The following INTS6 variants were observed in gnomAD, a reference collection of about 807,000 sequenced individuals.
INTS6 encodes the protein integrator complex subunit 6, also known as DEAD box protein.
In INTS6, 16 loss-of-function variants were observed where a neutral mutation model predicts 104.9. The observed-to-expected ratio is 0.15, with a 90% CI of 0.10 to 0.23. INTS6 has a LOEUF of 0.23. INTS6 is among the 10% of genes least tolerant of loss of function. INTS6 has a pLI of 1.00. For synonymous variants in INTS6, 324 were observed against 358.7 expected (o/e 0.90, Z 1.09); for missense variants, 584 against 1,062.8 (o/e 0.55, Z 6.26).
Position 51,364,263 on chromosome 13 carries a change from T to C in INTS6, c.*1489A>G. On this transcript the variant is annotated 3_prime_UTR_variant, in exon 18 of 18. Coordinates refer to ENST00000311234, the MANE Select transcript of INTS6 (RefSeq NM_012141.3). Reference sequence around the variant, plus strand: ...GGGTTTGTCTTCAGTATTGGGAGAGTTTCAAATCCCCTAGACTAAATGCAT... The same window carrying C: ...GGGTTTGTCTTCAGTATTGGGAGAGCTTCAAATCCCCTAGACTAAATGCAT... 6.8e-7 allele frequency: 1 copy of C among 1,477,296 alleles called. No homozygotes were observed. Among genetic ancestry groups the C allele is most frequent in the South Asian group, 1.2e-5 (1 of 80,100 alleles). 91.5% of individuals were successfully genotyped at this position (1,477,296 alleles called of 1,614,324 possible). A position where few individuals can be genotyped will look rare whatever the true frequency, so the allele number is the denominator to read the frequency against.
intron 4 of INTS6, among the ~76,000 whole-genome samples, chr13:51,410,790 A>G (rs1056662356): frequency 1.3e-5 from 2 of 152,234 alleles, no homozygotes; most frequent in African/African-American, 4.8e-5. Context: ...TATATCTAAT[A>G]AAGAACTTGT....
Position 51,362,665 on chromosome 13 carries a change from TTAAC to T in INTS6, c.*3083_*3086del, listed in dbSNP as rs1330892704. 1 of 152,402 alleles carries T rather than the reference TTAAC, an allele frequency of 6.6e-6. No homozygotes were observed. The highest frequency in any genetic ancestry group is 1.5e-5 in the Non-Finnish European group (1 of 67,922). The allele number at this position is 152,402 out of a possible 1,614,324, so 9.4% of individuals were successfully genotyped here. A position where few individuals can be genotyped will look rare whatever the true frequency, so the allele number is the denominator to read the frequency against. On this transcript the variant is annotated 3_prime_UTR_variant, in exon 18 of 18. Coordinates refer to ENST00000311234, the MANE Select transcript of INTS6 (RefSeq NM_012141.3). ...AAAATCAAGCAAAGGTGGATCTACT[TTAAC>T]TAAACATCAGGCATTACTTTTATTT...
chr13:51,337,384 G>C, the INTS6 span, among the ~76,000 whole-genome samples: 1 of 152,194 alleles, frequency 6.6e-6, no homozygotes, highest in Non-Finnish European at 1.5e-5. Context: ...ATTTTTAAAA[G>C]TGCTGGGCCT....
the INTS6 span, chr13:51,348,131 G>A: frequency 9.1e-7 from 1 of 1,094,696 alleles, no homozygotes; most frequent in African/African-American, 1.6e-5. Flanking sequence ...AGTCCTCTGA[G>A]CCAGCCTCTC....
intron 5 of INTS6, among the ~76,000 whole-genome samples, chr13:51,394,361 CT>C (rs887873902): frequency 1.3e-5 from 2 of 152,078 alleles, no homozygotes; most frequent in Non-Finnish European, 2.9e-5. Context: ...AGGTTAATCC[CT>C]TTTTGTCTGT....
intron 4 of INTS6, among the ~76,000 whole-genome samples, chr13:51,423,883 T>C (rs931227395): frequency 1.6e-4 from 24 of 152,118 alleles, no homozygotes; most frequent in South Asian, 6.2e-4. Context: ...TCTAAAACTA[T>C]AGTTTCTAAA....
rs1953076539 is a variant in INTS6, at chr13:51,452,240, C to A, written c.111+175G>T. ...CACCGCCCGGGGCCGGAGCCCGGGC[C>A]CCGGCCGAACCCGGCTCGCAGCGCC... On this transcript the variant is annotated intron_variant, in intron 1 of 17. Transcript: ENST00000311234. This position sits in a 1 kb window ranked among gnomAD's most constrained non-coding sequence, Gnocchi z 4.2. 1 of 669,992 alleles carries A rather than the reference C, an allele frequency of 1.5e-6. No homozygotes were observed. Among genetic ancestry groups the A allele is most frequent in the Non-Finnish European group, 2.0e-6 (1 of 491,302 alleles). The allele number at this position is 669,992 out of a possible 1,614,324, so 41.5% of individuals were successfully genotyped here. A position where few individuals can be genotyped will look rare whatever the true frequency, so the allele number is the denominator to read the frequency against.
intron 4 of INTS6, among the ~76,000 whole-genome samples, chr13:51,417,120 T>G (rs1014701598): frequency 3.3e-5 from 5 of 152,224 alleles, no homozygotes; most frequent in African/African-American, 1.2e-4. Context: ...CTGGATATCA[T>G]GCCCTTCACA....
intron 17 of INTS6, among the ~76,000 whole-genome samples, chr13:51,366,118 A>C (rs947441578): frequency 6.6e-6 from 1 of 151,972 alleles, no homozygotes; most frequent in Non-Finnish European, 1.5e-5. Context: ...GGAAAAAACA[A>C]ACAAAAAAAC....
the INTS6 span, chr13:51,347,121 G>T: frequency 6.2e-7 from 1 of 1,613,060 alleles, no homozygotes; most frequent in Non-Finnish European, 8.5e-7. Flanking sequence ...TCCTTCCAAG[G>T]CACTTGGCGA....
In INTS6 at chr13:51,408,174, G is replaced by A. The variant is rs192578630; in HGVS notation, c.430-12691C>T. ...TTTTTTTTTTTTGAAATGGAGTTTC[G>A]CTCTTGTTGCCCAGGCTGGAGTGCA... On this transcript the variant is annotated intron_variant, in intron 4 of 17. Coordinates refer to ENST00000311234, the MANE Select transcript of INTS6 (RefSeq NM_012141.3). Among the ~76,000 whole-genome samples the A allele has an allele frequency of 2.2e-3, 320 of 143,088 alleles. 2 individuals are homozygous for A. The highest frequency in any genetic ancestry group is 1.7e-3 in the Non-Finnish European group (114 of 66,188). 93.9% of individuals were successfully genotyped at this position (143,088 alleles called of 152,430 possible). A position where few individuals can be genotyped will look rare whatever the true frequency, so the allele number is the denominator to read the frequency against.
chr13:51,359,190 CAGG>C (rs1955524204), downstream of INTS6, among the ~76,000 whole-genome samples: 1 of 151,994 alleles, frequency 6.6e-6, no homozygotes, highest in South Asian at 2.1e-4. Flanking sequence ...AGAAAAAGAC[CAGG>C]AGAATCCCTT....
At chr13:51,347,758 T>A in the INTS6 span, among the ~76,000 whole-genome samples, 2 of 152,178 alleles carry the variant, frequency 1.3e-5, no homozygotes, top group African/African-American at 2.4e-5. Context: ...ATATGAACCA[T>A]CCCTTTGTCC....
rs1309508785 is a variant in INTS6 at position 51,374,379 on chromosome 13, G to C, written c.1933C>G (p.Pro645Ala). The C allele has an allele frequency of 6.2e-7, 1 of 1,613,890 alleles. No individual in the cohort carries two copies. The highest frequency in any genetic ancestry group is 1.3e-5 in the African/African-American group (1 of 74,882). ...ATCCCTTGCATATTTGGTTCTCCGGGTCGTTTATGTTTATTTTGAGGTCCA... is the reference window on the plus strand; with the variant it reads ...ATCCCTTGCATATTTGGTTCTCCGGCTCGTTTATGTTTATTTTGAGGTCCA... ...VAGPQNKHKRPGEPNMQGIPK... is the reference protein window; with the variant it reads ...VAGPQNKHKRAGEPNMQGIPK... The change falls in exon 15 of 18, where the codon CCC becomes GCC. Residue 645 changes from proline (P) to alanine (A), a missense_variant. Pro to Ala is a conservative substitution (Grantham distance 27). This residue lies in a region of INTS6 where 296 missense variants were observed against 437.0 expected (regional missense o/e 0.68). Transcript: ENST00000311234.
chr13:51,361,197 T>G (rs1955569132), downstream of INTS6: 1 of 908,314 alleles, frequency 1.1e-6, no homozygotes, highest in Non-Finnish European at 1.8e-6. Flanking sequence ...ATTTTGTAAG[T>G]ACATTTTTAA....
At chr13:51,392,108 T>A (rs1393498082) in intron 5 of INTS6, among the ~76,000 whole-genome samples, 1 of 152,242 alleles carries the variant, frequency 6.6e-6, no homozygotes, top group Admixed American at 6.5e-5. Flanking sequence ...AACAAAGTAC[T>A]ACTACTAGTC....
At chr13:51,450,405 T>C (rs961521300) in intron 3 of INTS6, 9 of 985,346 alleles carry the variant, frequency 9.1e-6, no homozygotes, top group Non-Finnish European at 1.1e-5. Context: ...TCTTTCATAT[T>C]TTCCAGCAGT....
the INTS6 span, among the ~76,000 whole-genome samples, chr13:51,345,421 C>T: frequency 2.0e-5 from 3 of 151,826 alleles, no homozygotes; most frequent in Admixed American, 1.3e-4. Flanking sequence ...GGTGAAACCC[C>T]GTCTCTACTA....
intron 15 of INTS6, among the ~76,000 whole-genome samples, chr13:51,372,322 A>T (rs570842406): frequency 4.2e-4 from 58 of 139,622 alleles, no homozygotes; most frequent in African/African-American, 1.2e-3. Context: ...TTTTTTTTTT[A>T]AAGTATTTGG....
Sources: gnomAD v4.1 joint callset for allele counts (sites outside exome capture counted in the v4.1 genomes callset) on GRCh38, gnomAD v4.1.1 for gene constraint, gnomAD v4.1.1 regional missense constraint, Gnocchi (gnomAD v3.1) non-coding constraint, MANE v1.5 for transcripts, NCBI Gene and HGNC (gene_info 2026-07-23, HGNC 2026-07-21) for gene names.